COL14A1: variants seen among roughly 807,000 people sequenced by gnomAD.
The protein encoded by COL14A1 is collagen alpha-1(XIV) chain.
Under a neutral mutation model 230.3 loss-of-function variants are expected in COL14A1, and 136 were observed. The observed-to-expected ratio is 0.59, with a 90% CI of 0.51 to 0.68. The LOEUF is 0.68. COL14A1 is among the 30% of genes least tolerant of loss of function. The pLI is 0.00. For synonymous variants in COL14A1, 792 were observed against 784.1 expected (o/e 1.01, Z -0.17); for missense variants, 1,976 against 2,215.8 (o/e 0.89, Z 2.17).
chr8:120,240,507 C>T (rs1162442718), intron 19 of COL14A1, among the ~76,000 whole-genome samples: 1 of 152,074 alleles, frequency 6.6e-6, no homozygotes, highest in East Asian at 1.9e-4. Flanking sequence ...GACCAAATGA[C>T]ATCTTAAAAT....
At chr8:120,262,431 C>G (rs1256006285) in intron 23 of COL14A1, among the ~76,000 whole-genome samples, 5 of 151,860 alleles carry the variant, frequency 3.3e-5, no homozygotes, top group Non-Finnish European at 1.5e-5. Flanking sequence ...GAGATCGCAC[C>G]ATTGCACTCC....
At chr8:120,321,431 G>A (rs960727654) in intron 40 of COL14A1, among the ~76,000 whole-genome samples, 2 of 151,970 alleles carry the variant, frequency 1.3e-5, no homozygotes, top group Admixed American at 6.6e-5. Flanking sequence ...ACAAGGTCAG[G>A]CGTTCAAGAC....
At chr8:120,365,887 C>T (rs770918852) in intron 45 of COL14A1, among the ~76,000 whole-genome samples, 49 of 152,114 alleles carry the variant, frequency 3.2e-4, no homozygotes, top group Non-Finnish European at 6.0e-4. Context: ...TGGATGACTC[C>T]TAGTAAAGAA....
At chr8:120,150,221 A>G (rs569911504) in intron 2 of COL14A1, among the ~76,000 whole-genome samples, 30 of 152,164 alleles carry the variant, frequency 2.0e-4, no homozygotes, top group Non-Finnish European at 4.1e-4. Context: ...ATTATGGAAG[A>G]TTTTAAACAA....
At chr8:120,203,138 A>G (rs1405006832) in intron 8 of COL14A1, among the ~76,000 whole-genome samples, 1 of 151,590 alleles carries the variant, frequency 6.6e-6, no homozygotes, top group Non-Finnish European at 1.5e-5. Flanking sequence ...ATTCATGCAA[A>G]ACAGAAGTTA....
chr8:120,215,097 C>T (rs748861436), intron 13 of COL14A1, among the ~76,000 whole-genome samples: 12 of 152,162 alleles, frequency 7.9e-5, no homozygotes, highest in Non-Finnish European at 1.3e-4. Flanking sequence ...AGGCTTGCTG[C>T]GGTGGCTCAC....
At chr8:120,337,371 G>A (rs1396765605) in intron 42 of COL14A1, among the ~76,000 whole-genome samples, 2 of 145,600 alleles carry the variant, frequency 1.4e-5, no homozygotes, top group South Asian at 4.3e-4. Flanking sequence ...ACTCCAGCCT[G>A]GGCGACAAAG....
chr8:120,180,251 A>G (rs1341644185), intron 5 of COL14A1, among the ~76,000 whole-genome samples: 13 of 152,238 alleles, frequency 8.5e-5, no homozygotes, highest in African/African-American at 3.1e-4. Flanking sequence ...TAAGAATCCA[A>G]CTGATGTTAT....
intron 21 of COL14A1, among the ~76,000 whole-genome samples, chr8:120,248,999 C>A (rs1248164516): frequency 7.1e-6 from 1 of 140,842 alleles, no homozygotes; most frequent in Non-Finnish European, 1.5e-5. Flanking sequence ...AGCCTCGGCT[C>A]ACTGCAAGCT....
chr8:120,267,674 T>A (rs1278411475), intron 25 of COL14A1, among the ~76,000 whole-genome samples: 3 of 151,912 alleles, frequency 2.0e-5, no homozygotes, highest in African/African-American at 4.8e-5. Flanking sequence ...ATCCAACTGC[T>A]TAATGGATTT....
At chr8:120,213,275 A>AC (rs1817662918) in intron 13 of COL14A1, among the ~76,000 whole-genome samples, 1 of 152,144 alleles carries the variant, frequency 6.6e-6, no homozygotes, top group Admixed American at 6.6e-5. Context: ...TACTGATAAT[A>AC]CTTACCACAT....
intron 3 of COL14A1, among the ~76,000 whole-genome samples, chr8:120,161,475 C>A (rs1815663808): frequency 6.6e-6 from 1 of 152,144 alleles, no homozygotes; most frequent in Admixed American, 6.6e-5. Flanking sequence ...ATTTTGAAAT[C>A]TTTTCATGAA....
chr8:120,323,068 T>A (rs901831434), intron 40 of COL14A1, among the ~76,000 whole-genome samples: 28 of 152,172 alleles, frequency 1.8e-4, no homozygotes, highest in Non-Finnish European at 2.8e-4. Context: ...GCATCTGTCT[T>A]TTTGTTTAGT....
intron 19 of COL14A1, among the ~76,000 whole-genome samples, chr8:120,233,486 AT>A: frequency 6.6e-6 from 1 of 151,764 alleles, no homozygotes; most frequent in Non-Finnish European, 1.5e-5. Context: ...TCTAAGATTC[AT>A]TTTTGTATAA....
intron 22 of COL14A1, among the ~76,000 whole-genome samples, chr8:120,252,861 G>A (rs1024652345): frequency 6.6e-6 from 1 of 152,154 alleles, no homozygotes. Flanking sequence ...CCCCCCGATT[G>A]CATATAGGGC....
chr8:120,267,537 C>T (rs1410732290), intron 25 of COL14A1, among the ~76,000 whole-genome samples: 4 of 151,606 alleles, frequency 2.6e-5, no homozygotes. Flanking sequence ...TATGTACCAC[C>T]CAGAAGTGGT....
intron 40 of COL14A1, among the ~76,000 whole-genome samples, chr8:120,320,246 A>C (rs879474017): frequency 2.6e-5 from 4 of 152,208 alleles, no homozygotes; most frequent in Non-Finnish European, 4.4e-5. Context: ...GATTTTAGCT[A>C]ATATTAGTAT....
At chr8:120,167,055 A>G (rs185029126) in intron 4 of COL14A1, among the ~76,000 whole-genome samples, 1 of 151,838 alleles carries the variant, frequency 6.6e-6, no homozygotes, top group Non-Finnish European at 1.5e-5. Context: ...TTTTATTTTT[A>G]AAATCTTTTA....
At chr8:120,329,474 G>A (rs1466920811) in intron 40 of COL14A1, among the ~76,000 whole-genome samples, 1 of 152,118 alleles carries the variant, frequency 6.6e-6, no homozygotes, top group Non-Finnish European at 1.5e-5. Flanking sequence ...AGGCATAGTA[G>A]CACATGCCTA....
Sources: gnomAD v4.1 joint callset for allele counts (sites outside exome capture counted in the v4.1 genomes callset) on GRCh38, gnomAD v4.1.1 for gene constraint, MANE v1.5 for transcripts, NCBI Gene and HGNC (gene_info 2026-07-23, HGNC 2026-07-21) for gene names.